MEIKIN: variants seen among roughly 807,000 people sequenced by gnomAD.
MEIKIN encodes the protein meiosis-specific kinetochore protein.
At chr5:131,907,366 A>G (rs746799738) in intron 8 of MEIKIN, among the ~76,000 whole-genome samples, 2 of 152,026 alleles carry the variant, frequency 1.3e-5, no homozygotes, top group Non-Finnish European at 2.9e-5. Context: ...ACAAAAAAGC[A>G]ATGAAACAAA....
intron 8 of MEIKIN, among the ~76,000 whole-genome samples, chr5:131,908,775 T>C (rs1751286410): frequency 6.6e-6 from 1 of 152,224 alleles, no homozygotes; most frequent in Admixed American, 6.5e-5. Flanking sequence ...GGCATTTTCA[T>C]ATGCCAACTG....
chr5:131,820,566 T>G (rs1014527099), intron 11 of MEIKIN, among the ~76,000 whole-genome samples: 9 of 152,340 alleles, frequency 5.9e-5, no homozygotes, highest in African/African-American at 1.9e-4. Flanking sequence ...TATTCCCTCC[T>G]CCATTTTTCA....
intron 9 of MEIKIN, among the ~76,000 whole-genome samples, chr5:131,857,010 G>T (rs1430738840): frequency 6.6e-6 from 1 of 151,252 alleles, no homozygotes; most frequent in African/African-American, 2.4e-5. Context: ...ACAACGTGCA[G>T]GTTAGTTACA....
chr5:131,898,979 G>A (rs1751104194), intron 8 of MEIKIN, among the ~76,000 whole-genome samples: 1 of 152,174 alleles, frequency 6.6e-6, no homozygotes, highest in African/African-American at 2.4e-5. Context: ...ACTTCAGTTG[G>A]AAATGCAGAA....
At position 131,862,553 on chromosome 5, in the gene MEIKIN, T is replaced by TC. The variant is rs541461299; in HGVS notation, c.775-7720_775-7719insG. Among the ~76,000 whole-genome samples the TC allele has an allele frequency of 2.8e-4, 42 of 152,276 alleles. No homozygotes were observed. In the East Asian group the frequency reaches 8.1e-3, roughly 29 times the overall value. ...AATTCTTTACTGGAAATCATTCTACTTTTTTTCTTACATAACATTAAATTT... is the reference window on the plus strand; with the variant it reads ...AATTCTTTACTGGAAATCATTCTACTCTTTTTTCTTACATAACATTAAATTT... On this transcript the variant is annotated intron_variant, in intron 9 of 12. Coordinates refer to ENST00000442687, the MANE Select transcript of MEIKIN (RefSeq NM_001303622.2).
chr5:131,864,657 C>G (rs1360528825), intron 9 of MEIKIN, among the ~76,000 whole-genome samples: 1 of 152,182 alleles, frequency 6.6e-6, no homozygotes, highest in Non-Finnish European at 1.5e-5. Flanking sequence ...AATTCTCTGT[C>G]TTTCACTTAG....
intron 8 of MEIKIN, among the ~76,000 whole-genome samples, chr5:131,895,832 A>C (rs1452655243): frequency 1.3e-5 from 2 of 152,136 alleles, no homozygotes; most frequent in African/African-American, 4.8e-5. Flanking sequence ...CTTTTCAAAA[A>C]ACCAGCACCT....
intron 8 of MEIKIN, among the ~76,000 whole-genome samples, chr5:131,902,210 A>G (rs1751170318): frequency 6.6e-6 from 1 of 152,196 alleles, no homozygotes; most frequent in Non-Finnish European, 1.5e-5. Context: ...AGGCGAGTGG[A>G]TCACTTGAGC....
At chr5:131,818,226 A>G (rs1773137199) in intron 12 of MEIKIN, among the ~76,000 whole-genome samples, 1 of 152,230 alleles carries the variant, frequency 6.6e-6, no homozygotes, top group Non-Finnish European at 1.5e-5. Context: ...GAATGCAAAA[A>G]CATCTCCACA....
chr5:131,833,326 A>G (rs1010597030), intron 11 of MEIKIN, among the ~76,000 whole-genome samples: 2 of 152,298 alleles, frequency 1.3e-5, no homozygotes, highest in Admixed American at 6.5e-5. Context: ...CTAGTTCCCA[A>G]CAAGTTCCTC....
intron 4 of MEIKIN, among the ~76,000 whole-genome samples, 157 bp from the exon 5 acceptor site, chr5:131,933,798 A>T (rs1196914275): frequency 6.6e-6 from 1 of 152,228 alleles, no homozygotes; most frequent in East Asian, 1.9e-4. Flanking sequence ...ATAATATTTT[A>T]AACTATTTTA....
intron 11 of MEIKIN, 69 bp downstream of exon 11, chr5:131,851,195 A>G (rs1750108712): frequency 5.1e-6 from 2 of 394,708 alleles, no homozygotes; most frequent in Non-Finnish European, 8.9e-6. Flanking sequence ...ATAGCACCTC[A>G]TATACAAAGT....
chr5:131,852,790 C>T (rs1750136719), intron 10 of MEIKIN, among the ~76,000 whole-genome samples: 2 of 152,054 alleles, frequency 1.3e-5, no homozygotes, highest in African/African-American at 4.8e-5. Flanking sequence ...CTTTAGTATA[C>T]TGAGTTTTAT....
At chr5:131,909,278 A>G (rs756807481) in intron 8 of MEIKIN, among the ~76,000 whole-genome samples, 17 of 152,044 alleles carry the variant, frequency 1.1e-4, no homozygotes, top group Non-Finnish European at 2.5e-4. Context: ...TCTACACCGA[A>G]CTCATTTTTT....
intron 9 of MEIKIN, among the ~76,000 whole-genome samples, chr5:131,874,723 G>A (rs529041314): frequency 1.3e-5 from 2 of 152,254 alleles, no homozygotes; most frequent in East Asian, 1.9e-4. Context: ...TATCCTTGAT[G>A]AACATTGATG....
intron 3 of MEIKIN, among the ~76,000 whole-genome samples, chr5:131,944,129 G>GAAAAAAAAAAAAAAA (rs1751920976): frequency 6.8e-6 from 1 of 147,162 alleles, no homozygotes; most frequent in South Asian, 2.1e-4. Context: ...AAAAAAAAAG[G>GAAAAAAAAAAAAAAA]AACTTGACTA....
intron 9 of MEIKIN, among the ~76,000 whole-genome samples, chr5:131,861,282 G>T (rs935370497): frequency 9.9e-5 from 15 of 151,996 alleles, no homozygotes; most frequent in African/African-American, 3.6e-4. Flanking sequence ...CCAGCTACTT[G>T]GGAGGCTGAG....
chr5:131,941,467 C>G (rs1024519606), intron 4 of MEIKIN, among the ~76,000 whole-genome samples: 1 of 151,882 alleles, frequency 6.6e-6, no homozygotes, highest in Non-Finnish European at 1.5e-5. Context: ...CCCAAGATCT[C>G]TTCTATTACA....
At position 131,815,928 on chromosome 5, in the gene MEIKIN, C is replaced by T. The variant is rs551602915; in HGVS notation, c.1099+2812G>A. ...AGAAGGTGGTTATAAATACCTGTTA[C>T]GATCACCTGATTAGTTAGGCAAGTA... On this transcript the variant is annotated intron_variant, in intron 12 of 12. Coordinates refer to ENST00000442687, the MANE Select transcript of MEIKIN (RefSeq NM_001303622.2). 7.2e-5 allele frequency among the ~76,000 whole-genome samples: 11 copies of T among 152,318 alleles called. No homozygotes were observed. The South Asian group carries it at 8.3e-4, about 11-fold the overall frequency.
Sources: allele counts gnomAD v4.1 joint callset (sites outside exome capture counted in the v4.1 genomes callset), GRCh38; gene constraint gnomAD v4.1.1; transcripts MANE v1.5; gene names NCBI Gene and HGNC (gene_info 2026-07-23, HGNC 2026-07-21).